Variants in CEP135 observed in about 807,000 individuals in gnomAD.
The protein encoded by CEP135 is centrosomal protein of 135 kDa.
In CEP135, 142 loss-of-function variants were observed where a neutral mutation model predicts 157.3. The observed-to-expected ratio is 0.90, with a 90% confidence interval of 0.79 to 1.04. The LOEUF is 1.04. CEP135 is among the 50% of genes least tolerant of loss of function. The pLI, the probability that CEP135 is intolerant of heterozygous loss-of-function variation, is 0.00. For missense variants in CEP135, 1,317 were observed against 1,309.2 expected (o/e 1.01, Z -0.09); for synonymous variants, 396 against 439.8 (o/e 0.90, Z 1.25).
intron 24 of CEP135, among the ~76,000 whole-genome samples, chr4:56,023,596 A>G (rs1002863079): frequency 6.8e-6 from 1 of 147,108 alleles, no homozygotes; most frequent in African/African-American, 2.5e-5. Flanking sequence ...TATTTTCACT[A>G]TATATAATAT....
chr4:55,966,792 T>A (rs995009010), intron 8 of CEP135, among the ~76,000 whole-genome samples: 8 of 152,202 alleles, frequency 5.3e-5, no homozygotes, highest in African/African-American at 1.9e-4. Context: ...CCACCAAGAA[T>A]TCTTTAAAAG....
At chr4:55,950,115 A>T (rs1262670407) in intron 1 of CEP135, among the ~76,000 whole-genome samples, 1 of 152,216 alleles carries the variant, frequency 6.6e-6, no homozygotes, top group Non-Finnish European at 1.5e-5. Context: ...GAACCTAGGA[A>T]ATCTATGAGG....
intron 19 of CEP135, 23 bp downstream of exon 19, chr4:56,009,926 TTGA>T (rs757412384): frequency 6.2e-7 from 1 of 1,603,482 alleles, no homozygotes; most frequent in Admixed American, 1.7e-5. Flanking sequence ...GGCATAAATT[TTGA>T]TAGTTTTATA....
chr4:56,023,756 G>T (rs1311519514), intron 24 of CEP135, among the ~76,000 whole-genome samples: 1 of 137,890 alleles, frequency 7.3e-6, no homozygotes, highest in Non-Finnish European at 1.5e-5. Context: ...ATCATATATA[G>T]TATATTATAT....
chr4:56,004,674 C>T (rs1577901698), intron 17 of CEP135, among the ~76,000 whole-genome samples: 2 of 152,222 alleles, frequency 1.3e-5, no homozygotes, highest in African/African-American at 2.4e-5. Context: ...TTTGTTGTCT[C>T]TTTATAGTCT....
At chr4:56,030,872 G>T (rs1731317911) in intron 25 of CEP135, among the ~76,000 whole-genome samples, 1 of 152,142 alleles carries the variant, frequency 6.6e-6, no homozygotes, top group South Asian at 2.1e-4. Context: ...GCCAGGCAGG[G>T]TAGCTCACAC....
chr4:55,971,440 G>T, intron 10 of CEP135, 32 bp downstream of exon 10: 5 of 1,564,932 alleles, frequency 3.2e-6, no homozygotes, highest in Admixed American at 2.0e-5. Flanking sequence ...GCTAAAGAAT[G>T]ATTGTGATTT....
At chr4:56,025,906 TCA>T (rs1731143018) in intron 25 of CEP135, among the ~76,000 whole-genome samples, 1 of 126,180 alleles carries the variant, frequency 7.9e-6, no homozygotes, top group East Asian at 2.2e-4. Context: ...TGCATGAAAA[TCA>T]AAAAAAAAAA....
chr4:55,962,029 ATTAAT>A (rs1356131496), intron 6 of CEP135, among the ~76,000 whole-genome samples: 1 of 152,102 alleles, frequency 6.6e-6, no homozygotes, highest in Admixed American at 6.6e-5. Context: ...ACAATGATTA[ATTAAT>A]TTAATCTTCA....
intron 18 of CEP135, 99 bp downstream of exon 18, chr4:56,008,481 T>A (rs1296805349): frequency 3.1e-6 from 3 of 964,956 alleles, no homozygotes; most frequent in Non-Finnish European, 4.7e-6. Flanking sequence ...GAATTTCCCT[T>A]TCAATTTCCC....
At chr4:56,001,325 T>C (rs2109716479) in intron 17 of CEP135, among the ~76,000 whole-genome samples, 1 of 152,312 alleles carries the variant, frequency 6.6e-6, no homozygotes, top group African/African-American at 2.4e-5. Context: ...ACAGACAATA[T>C]TTGTCCACAC....
At chr4:56,012,602 T>G (rs1378799561) in intron 21 of CEP135, among the ~76,000 whole-genome samples, 1 of 152,226 alleles carries the variant, frequency 6.6e-6, no homozygotes, top group African/African-American at 2.4e-5. Flanking sequence ...ATTCGATTAC[T>G]CTAGATACCT....
At chr4:55,997,346 G>GTA (rs1195005081) in intron 15 of CEP135, among the ~76,000 whole-genome samples, 1 of 152,124 alleles carries the variant, frequency 6.6e-6, no homozygotes, top group African/African-American at 2.4e-5. Flanking sequence ...TCCTTTATAT[G>GTA]TATATATATC....
chr4:55,985,061 A>T lies in CEP135; in HGVS notation c.1780-220A>T, dbSNP rs9312668. ...TCTATGTCTTCTACTACAATCACACATGGAGGTAGAGAGTGTAAAAGATGA... is the reference window on the plus strand; with the variant it reads ...TCTATGTCTTCTACTACAATCACACTTGGAGGTAGAGAGTGTAAAAGATGA... On this transcript the variant is annotated intron_variant, in intron 13 of 25. Coordinates refer to ENST00000257287, the MANE Select transcript of CEP135 (RefSeq NM_025009.5). 0.21 allele frequency among the ~76,000 whole-genome samples: 32,020 copies of T among 152,236 alleles called. 3,550 individuals carry two copies. The highest frequency in any genetic ancestry group is 0.26 in the Non-Finnish European group (17,471 of 68,008).
chr4:55,986,601 C>T (rs1729596337), intron 14 of CEP135, among the ~76,000 whole-genome samples: 1 of 152,054 alleles, frequency 6.6e-6, no homozygotes, highest in South Asian at 2.1e-4. Context: ...CACTTCCATT[C>T]TTTATTACTC....
At position 55,965,744 on chromosome 4, in the gene CEP135, A is replaced by G; in HGVS notation, c.929A>G (p.Asn310Ser). ...ACATCTGAAGTCGTTAATTTAAGTA[A>G]CAAAAATGAAAAACTCTGCCAAGAA... The part of the protein sequence containing the change: ...TVTSEVVNLS[N>S]KNEKLCQELT... Residue 310 changes from asparagine (N) to serine (S), a missense_variant, in exon 8 of 26, where the codon AAC becomes AGC. Transcript: ENST00000257287. 6.2e-7 allele frequency: 1 copy of G among 1,613,914 alleles called. No homozygotes were observed. Among genetic ancestry groups the G allele is most frequent in the Non-Finnish European group, 8.5e-7 (1 of 1,179,876 alleles).
At chr4:55,980,056 G>T in intron 11 of CEP135, 87 bp from the exon 12 acceptor site, 1 of 1,083,182 alleles carries the variant, frequency 9.2e-7, no homozygotes. Context: ...TTTTTGTCTG[G>T]TAGCATCTTT....
At chr4:55,973,018 TG>T (rs1378217381) in intron 10 of CEP135, among the ~76,000 whole-genome samples, 1 of 151,816 alleles carries the variant, frequency 6.6e-6, no homozygotes, top group Non-Finnish European at 1.5e-5. Flanking sequence ...GCAAAAATAG[TG>T]AAACTGTGTG....
intron 24 of CEP135, among the ~76,000 whole-genome samples, chr4:56,023,459 A>T (rs907765021): frequency 2.0e-5 from 3 of 151,874 alleles, no homozygotes; most frequent in Admixed American, 6.6e-5. Flanking sequence ...TTTTTTAAGT[A>T]TAAAGAAGAA....
Sources: gnomAD v4.1 joint callset for allele counts (sites outside exome capture counted in the v4.1 genomes callset) on GRCh38, gnomAD v4.1.1 for gene constraint, MANE v1.5 for transcripts, NCBI Gene and HGNC (gene_info 2026-07-23, HGNC 2026-07-21) for gene names.